CALN1: variants seen among roughly 807,000 people sequenced by gnomAD.
CALN1 encodes calneuron 1.
A neutral mutation model predicts 30.6 loss-of-function variants in CALN1; 17 were observed. That is an observed-to-expected ratio of 0.56 (90% CI 0.38 to 0.83). CALN1 has a LOEUF of 0.83. Ranked by LOEUF, CALN1 falls within the 40% of genes least tolerant of loss-of-function variation. The pLI, the probability that CALN1 is intolerant of heterozygous loss-of-function variation, is 0.00. For synonymous variants in CALN1, 156 were observed against 131.4 expected (o/e 1.19, Z -1.28); for missense variants, 291 against 354.9 (o/e 0.82, Z 1.45).
chr7:72,059,837 T>C (rs1162447004), intron 4 of CALN1, among the ~76,000 whole-genome samples: 1 of 152,164 alleles, frequency 6.6e-6, no homozygotes, highest in African/African-American at 2.4e-5. Context: ...GTTCTGATGA[T>C]GGGTAGAGGA....
intron 2 of CALN1, among the ~76,000 whole-genome samples, chr7:72,358,555 G>C (rs1456741071): frequency 6.6e-6 from 1 of 152,166 alleles, no homozygotes; most frequent in Non-Finnish European, 1.5e-5. Flanking sequence ...CTGGCACTGT[G>C]ATCCCCGTCA....
intron 5 of CALN1, among the ~76,000 whole-genome samples, chr7:71,964,038 T>C (rs182125414): frequency 6.6e-6 from 1 of 152,346 alleles, no homozygotes; most frequent in Non-Finnish European, 1.5e-5. Context: ...ATTGTTTCTT[T>C]TTTGACTAAA....
intron 4 of CALN1, among the ~76,000 whole-genome samples, chr7:72,075,047 A>G (rs895910548): frequency 1.3e-5 from 2 of 152,232 alleles, no homozygotes; most frequent in African/African-American, 4.8e-5. Context: ...CAAAAGTCTC[A>G]GGAGGGCTGA....
chr7:72,115,484 CTTTTTTTT>C (rs71069026), intron 3 of CALN1, among the ~76,000 whole-genome samples: 219 of 80,596 alleles, frequency 2.7e-3, no homozygotes, highest in Admixed American at 7.0e-3. Context: ...CATATACATT[CTTTTTTTT>C]TTTTTTTTTT....
At chr7:72,487,713 A>AAAGAAAGAAAGAAAGAAAGAAAG in the CALN1 span, among the ~76,000 whole-genome samples, 91 of 68,674 alleles carry the variant, frequency 1.3e-3, 10 homozygotes, top group African/African-American at 3.0e-3. Context: ...AAAAGAAAAG[A>AAAGAAAGAAAGAAAGAAAGAAAG]AAAGAAAGAA....
chr7:71,979,433 T>C (rs1253187264), intron 5 of CALN1, among the ~76,000 whole-genome samples: 1 of 152,076 alleles, frequency 6.6e-6, no homozygotes, highest in African/African-American at 2.4e-5. Context: ...CATTAGATTC[T>C]CATAAGGAGC....
intron 2 of CALN1, among the ~76,000 whole-genome samples, chr7:72,370,001 T>C (rs181523147): frequency 4.6e-5 from 7 of 152,158 alleles, no homozygotes; most frequent in African/African-American, 1.7e-4. Flanking sequence ...GTAATGTACA[T>C]CATACAAAAA....
intron 3 of CALN1, among the ~76,000 whole-genome samples, chr7:72,238,481 G>A (rs1039657968): frequency 6.6e-6 from 1 of 151,920 alleles, no homozygotes; most frequent in Non-Finnish European, 1.5e-5. Context: ...TTATTCCCTA[G>A]AAATTCATGG....
At chr7:72,028,632 A>C (rs544686238) in intron 4 of CALN1, among the ~76,000 whole-genome samples, 5 of 152,166 alleles carry the variant, frequency 3.3e-5, no homozygotes, top group African/African-American at 2.4e-5. Context: ...CATTTAGGAG[A>C]GGACGTTTGG....
chr7:71,857,943 A>G (rs1791051233), intron 5 of CALN1, among the ~76,000 whole-genome samples: 1 of 152,184 alleles, frequency 6.6e-6, no homozygotes, highest in Non-Finnish European at 1.5e-5. Context: ...GGGCCAAAGA[A>G]CTGCAGAATC....
rs1554399594 is a variant in CALN1 at position 72,396,258 on chromosome 7, G to GAAAAGAAAGAAAGAA, written c.119+6992_119+6993insTTCTTTCTTTCTTTT. On this transcript the variant is annotated intron_variant, in intron 2 of 6. Coordinates refer to ENST00000395275, the MANE Select transcript of CALN1 (RefSeq NM_031468.4). ...ACTAAAAAAAAAAAAAAAAAAAAAA[G>GAAAAGAAAGAAAGAA]AAAGAAAAAGAAAAATTAGCTGGGT... is the stretch of plus-strand genomic sequence containing the variant. Among the ~76,000 whole-genome samples the GAAAAGAAAGAAAGAA allele has an allele frequency of 5.5e-5, 6 of 109,708 alleles. No individual in the cohort carries two copies. In the East Asian group the frequency reaches 1.6e-3, roughly 29 times the overall value. 72.0% of individuals were successfully genotyped at this position (109,708 alleles called of 152,430 possible).
At chr7:71,818,924 G>C (rs1562807467) in intron 5 of CALN1, among the ~76,000 whole-genome samples, 1 of 151,924 alleles carries the variant, frequency 6.6e-6, no homozygotes, top group Non-Finnish European at 1.5e-5. Flanking sequence ...TGGCCAGGCT[G>C]GTCTCGAACT....
intron 3 of CALN1, among the ~76,000 whole-genome samples, chr7:72,230,147 C>CAAAAACAAAAACA (rs1342182232): frequency 1.3e-5 from 2 of 151,214 alleles, no homozygotes; most frequent in African/African-American, 4.9e-5. Flanking sequence ...TCTCAAAAAA[C>CAAAAACAAAAACA]AAAAACAAAA....
At chr7:72,486,649 G>A in the CALN1 span, among the ~76,000 whole-genome samples, 81 of 151,942 alleles carry the variant, frequency 5.3e-4, no homozygotes, top group African/African-American at 1.8e-3. Flanking sequence ...CTGGGATTAC[G>A]GGAGTGAGCC....
intron 5 of CALN1, among the ~76,000 whole-genome samples, chr7:71,900,371 C>T (rs1793783964): frequency 6.6e-6 from 1 of 152,144 alleles, no homozygotes; most frequent in Admixed American, 6.6e-5. Context: ...GTCAAATTAT[C>T]TCTGTTTGCT....
In CALN1 at chr7:71,784,675, A is replaced by G; in HGVS notation, c.*3100T>C. 2.5e-6 allele frequency: 1 copy of G among 397,196 alleles called. No individual in the cohort carries two copies. The highest frequency in any genetic ancestry group is 4.4e-6 in the Non-Finnish European group (1 of 225,646). 24.6% of individuals were successfully genotyped at this position (397,196 alleles called of 1,614,324 possible). A position where few individuals can be genotyped will look rare whatever the true frequency, so the allele number is the denominator to read the frequency against. On this transcript the variant is annotated 3_prime_UTR_variant, in exon 7 of 7. Transcript: ENST00000395275. ...GGTACCTGCTCTTGCAGCAAGAATG[A>G]GCCAACCTGTGTTTGTCAATCACTC...
rs528361389 is a variant in CALN1 at position 71,895,202 on chromosome 7, T to G, written c.502-84710A>C. 8.5e-5 allele frequency among the ~76,000 whole-genome samples: 13 copies of G among 152,262 alleles called. No homozygotes were observed. The South Asian group carries it at 2.7e-3, about 32-fold the overall frequency. On this transcript the variant is annotated intron_variant, in intron 5 of 6. Coordinates refer to ENST00000395275, the MANE Select transcript of CALN1 (RefSeq NM_031468.4). ...ACTCCTGGGCCCAAGCAATCCACCTTCCTTGACCTCCCAAAATGTTGGGAT... is the reference window on the plus strand; with the variant it reads ...ACTCCTGGGCCCAAGCAATCCACCTGCCTTGACCTCCCAAAATGTTGGGAT...
At chr7:72,430,844 C>T (rs149141167) in intron 1 of CALN1, among the ~76,000 whole-genome samples, 25 of 152,234 alleles carry the variant, frequency 1.6e-4, no homozygotes, top group Non-Finnish European at 3.1e-4. Flanking sequence ...TGGGGTTGCA[C>T]TCAACCAGCA....
chr7:71,836,386 G>C (rs1017293534), intron 5 of CALN1, among the ~76,000 whole-genome samples: 1 of 152,180 alleles, frequency 6.6e-6, no homozygotes, highest in Non-Finnish European at 1.5e-5. Flanking sequence ...TGGAGGTCAG[G>C]TCCAATGAAT....
Sources: allele counts gnomAD v4.1 joint callset (sites outside exome capture counted in the v4.1 genomes callset), GRCh38; gene constraint gnomAD v4.1.1; transcripts MANE v1.5; gene names NCBI Gene and HGNC (gene_info 2026-07-23, HGNC 2026-07-21).